The following FER1L6 variants were observed in gnomAD, a reference collection of about 807,000 sequenced individuals.
The protein encoded by FER1L6 is fer-1 like family member 6, also known as fer-1-like protein 6.
FER1L6 carries 177 observed loss-of-function variants against 219.2 expected under a neutral mutation model. That is an observed-to-expected ratio of 0.81 (90% CI 0.71 to 0.91). FER1L6 has a LOEUF of 0.91. Among genes scored for constraint, FER1L6 ranks in the 40% least tolerant of loss-of-function variants. The probability of loss-of-function intolerance (pLI) is 0.00; values close to 1 mark genes in which losing one functional copy is unlikely to be tolerated. For synonymous variants in FER1L6, 768 were observed against 824.3 expected, an observed-to-expected ratio of 0.93 and a Z score of 1.17; for missense variants, 2,153 against 2,259.9, an observed-to-expected ratio of 0.95 and a Z score of 0.96.
At chr8:123,988,907 C>G (rs1345211405) in intron 12 of FER1L6, among the ~76,000 whole-genome samples, 1 of 152,112 alleles carries the variant, frequency 6.6e-6, no homozygotes, top group African/African-American at 2.4e-5. Flanking sequence ...TCTTCCAGAT[C>G]TTAAAGGAAA....
At chr8:124,104,868 T>C (rs1822698917) in intron 39 of FER1L6, among the ~76,000 whole-genome samples, 1 of 152,182 alleles carries the variant, frequency 6.6e-6, no homozygotes, top group Non-Finnish European at 1.5e-5. Flanking sequence ...CCAACAAATA[T>C]TTACTGAGCT....
chr8:123,887,591 A>G (rs1817227483), intron 1 of FER1L6, among the ~76,000 whole-genome samples: 1 of 152,164 alleles, frequency 6.6e-6, no homozygotes, highest in East Asian at 1.9e-4. Context: ...TCAATCTGGG[A>G]AATTTTTAAA....
intron 5 of FER1L6, among the ~76,000 whole-genome samples, chr8:123,967,517 G>T (rs928750622): frequency 4.6e-5 from 7 of 152,172 alleles, no homozygotes; most frequent in Non-Finnish European, 7.4e-5. Context: ...GGGTCACAAG[G>T]TATATGCATT....
chr8:124,006,564 A>C (rs1482096573), intron 13 of FER1L6, among the ~76,000 whole-genome samples: 1 of 152,200 alleles, frequency 6.6e-6, no homozygotes, highest in Non-Finnish European at 1.5e-5. Flanking sequence ...GCCCCCATTA[A>C]AATGTCACCT....
rs117855963 is a variant in FER1L6, at chr8:124,102,999, T to C, written c.5126-147T>C. 1.3e-3 allele frequency: 999 copies of C among 748,666 alleles called. 9 individuals are homozygous for C. The highest frequency in any genetic ancestry group is 0.012 in the East Asian group (483 of 39,770). The allele number at this position is 748,666 out of a possible 1,614,324, so 46.4% of individuals were successfully genotyped here. ...GGCTCAGTCCTATTTGTACTCCCAA[T>C]ACCTAGCACATAGTTGTGATCCAAT... On this transcript the variant is annotated intron_variant, in intron 38 of 40. Coordinates refer to ENST00000522917, the MANE Select transcript of FER1L6 (RefSeq NM_001039112.2).
At chr8:123,918,512 A>C (rs1456825654) in intron 1 of FER1L6, among the ~76,000 whole-genome samples, 1 of 152,184 alleles carries the variant, frequency 6.6e-6, no homozygotes, top group African/African-American at 2.4e-5. Flanking sequence ...ATGGGAAGAC[A>C]GAGGTCAAAA....
At chr8:123,989,298 G>A (rs1816743430) in intron 12 of FER1L6, among the ~76,000 whole-genome samples, 1 of 152,030 alleles carries the variant, frequency 6.6e-6, no homozygotes, top group South Asian at 2.1e-4. Context: ...TTGTGTCTTT[G>A]TATGGTTTTG....
At chr8:123,896,572 C>A (rs929173641) in intron 1 of FER1L6, among the ~76,000 whole-genome samples, 1 of 152,114 alleles carries the variant, frequency 6.6e-6, no homozygotes, top group Admixed American at 6.5e-5. Flanking sequence ...TGAAAGTTCG[C>A]GAGTCTCTCA....
intron 18 of FER1L6, among the ~76,000 whole-genome samples, chr8:124,034,671 A>T (rs148731423): frequency 6.6e-6 from 1 of 152,356 alleles, no homozygotes; most frequent in East Asian, 1.9e-4. Flanking sequence ...TTTAGCCAGG[A>T]GGAAAGTGCA....
At chr8:123,982,714 A>G (rs557365804) in intron 11 of FER1L6, among the ~76,000 whole-genome samples, 3 of 152,198 alleles carry the variant, frequency 2.0e-5, no homozygotes, top group South Asian at 4.1e-4. Flanking sequence ...TGAAGTTTCC[A>G]TCAAGGCGAG....
At position 123,973,328 on chromosome 8, in the gene FER1L6, A is replaced by G. The variant is rs1456521669; in HGVS notation, c.448-106A>G. ...AGGTCCTTTACAGCCTTGTGGTTTGATGGCCAAACTCCACTGTGCTCCAGA... is the reference window on the plus strand; with the variant it reads ...AGGTCCTTTACAGCCTTGTGGTTTGGTGGCCAAACTCCACTGTGCTCCAGA... On this transcript the variant is annotated intron_variant, in intron 6 of 40. Coordinates refer to ENST00000522917, the MANE Select transcript of FER1L6 (RefSeq NM_001039112.2). The G allele has an allele frequency of 4.7e-6, 4 of 856,270 alleles. No homozygotes were observed. In the Admixed American group the frequency reaches 7.6e-5, roughly 16 times the overall value. 53.0% of individuals were successfully genotyped at this position (856,270 alleles called of 1,614,324 possible). A position where few individuals can be genotyped will look rare whatever the true frequency, so the allele number is the denominator to read the frequency against.
At chr8:123,878,717 C>G (rs1817054976) in intron 1 of FER1L6, among the ~76,000 whole-genome samples, 1 of 152,088 alleles carries the variant, frequency 6.6e-6, no homozygotes, top group Non-Finnish European at 1.5e-5. Flanking sequence ...TAATAAAATA[C>G]TTTTTTTTGC....
At chr8:123,888,327 G>A (rs1259100698) in intron 1 of FER1L6, among the ~76,000 whole-genome samples, 6 of 152,048 alleles carry the variant, frequency 3.9e-5, no homozygotes, top group African/African-American at 1.4e-4. Flanking sequence ...GTGTTGCCCA[G>A]GCTGGTCTTG....
At chr8:123,953,389 G>C (rs1303521623) in intron 1 of FER1L6, among the ~76,000 whole-genome samples, 3 of 152,170 alleles carry the variant, frequency 2.0e-5, no homozygotes, top group African/African-American at 7.2e-5. Context: ...GTCTGCCGTA[G>C]AGTAATTAAA....
chr8:124,095,969 C>A (rs999467696), intron 35 of FER1L6, among the ~76,000 whole-genome samples: 11 of 152,220 alleles, frequency 7.2e-5, no homozygotes, highest in African/African-American at 2.2e-4. Flanking sequence ...CAGGTTCACA[C>A]CCCGAGCCAG....
chr8:124,083,097 C>T (rs1479948637), intron 33 of FER1L6, among the ~76,000 whole-genome samples: 1 of 152,010 alleles, frequency 6.6e-6, no homozygotes, highest in Non-Finnish European at 1.5e-5. Flanking sequence ...ATAACAATCA[C>T]ATCAGGGTAA....
chr8:123,974,659 C>CAAAAAAAAAAAAAAAAAAAAAA (rs994690186), intron 7 of FER1L6, among the ~76,000 whole-genome samples: 66 of 47,752 alleles, frequency 1.4e-3, no homozygotes, highest in East Asian at 2.2e-3. Context: ...GACTCTGTCT[C>CAAAAAAAAAAAAAAAAAAAAAA]AAAAAAAAAA....
intron 31 of FER1L6, among the ~76,000 whole-genome samples, 196 bp downstream of exon 31, chr8:124,071,827 T>C (rs1336130657): frequency 2.0e-5 from 3 of 152,190 alleles, no homozygotes. Flanking sequence ...GATGGCTGCC[T>C]TCTTGCTGTG....
chr8:124,087,602 T>A lies in FER1L6; in HGVS notation c.4392-3821T>A, dbSNP rs550795783. ...GCCTTATTTAGTTCTTTTGGTGAGATAATGTTTTCCCGGATGGCCCTGATG... is the reference window on the plus strand; with the variant it reads ...GCCTTATTTAGTTCTTTTGGTGAGAAAATGTTTTCCCGGATGGCCCTGATG... On this transcript the variant is annotated intron_variant, in intron 33 of 40. Transcript: ENST00000522917. 3.3e-5 allele frequency among the ~76,000 whole-genome samples: 5 copies of A among 152,294 alleles called. 1 individual carries two copies. In the South Asian group the frequency reaches 1.0e-3, roughly 32 times the overall value.
Sources: gnomAD v4.1 joint callset for allele counts (sites outside exome capture counted in the v4.1 genomes callset) on GRCh38, gnomAD v4.1.1 for gene constraint, MANE v1.5 for transcripts, NCBI Gene and HGNC (gene_info 2026-07-23, HGNC 2026-07-21) for gene names.